Variants in RORA observed in about 807,000 individuals in gnomAD.
The protein encoded by RORA is RAR related orphan receptor A.
A neutral mutation model predicts 69.5 loss-of-function variants in RORA; 7 were observed. The observed-to-expected ratio is 0.10, with a 90% CI of 0.06 to 0.19. RORA has a LOEUF of 0.19. Among genes scored for constraint, RORA ranks in the 10% least tolerant of loss-of-function variants. The probability of loss-of-function intolerance (pLI) is 1.00; values close to 1 mark genes in which losing one functional copy is unlikely to be tolerated. For missense variants in RORA, 457 were observed against 663.0 expected, an observed-to-expected ratio of 0.69 and a Z score of 3.41; for synonymous variants, 261 against 240.8, an observed-to-expected ratio of 1.08 and a Z score of -0.78.
chr15:60,611,335 T>C (rs1435526051), intron 2 of RORA, among the ~76,000 whole-genome samples: 1 of 151,916 alleles, frequency 6.6e-6, no homozygotes, highest in Non-Finnish European at 1.5e-5. Context: ...TATCCTACCA[T>C]GTTTCCAGCA....
intron 1 of RORA, among the ~76,000 whole-genome samples, chr15:60,809,381 C>T (rs1264672722): frequency 6.6e-6 from 1 of 152,120 alleles, no homozygotes; most frequent in Admixed American, 6.6e-5. Flanking sequence ...TGTACCTGCA[C>T]GTTAAAGAGA....
At chr15:60,812,923 A>G (rs1045321288) in intron 1 of RORA, among the ~76,000 whole-genome samples, 2 of 152,206 alleles carry the variant, frequency 1.3e-5, no homozygotes, top group African/African-American at 4.8e-5. Context: ...CAGTTTCTGA[A>G]CTATAGTGAC....
intron 2 of RORA, among the ~76,000 whole-genome samples, chr15:60,613,408 A>G (rs1165185188): frequency 6.6e-6 from 1 of 152,194 alleles, no homozygotes. Context: ...GACAAATTAA[A>G]AAGAGCTCTG....
intron 1 of RORA, among the ~76,000 whole-genome samples, chr15:60,779,527 G>C (rs1337411010): frequency 1.3e-5 from 2 of 152,200 alleles, no homozygotes; most frequent in Non-Finnish European, 2.9e-5. Flanking sequence ...TGTAATAGGA[G>C]CAGGAAGCAC....
chr15:60,981,005 A>G (rs1250747053), intron 1 of RORA, among the ~76,000 whole-genome samples: 1 of 151,982 alleles, frequency 6.6e-6, no homozygotes, highest in Non-Finnish European at 1.5e-5. Context: ...CATAGTGACA[A>G]ACTATCTCAA....
chr15:60,640,721 T>C (rs1394576404), intron 2 of RORA, among the ~76,000 whole-genome samples: 1 of 152,160 alleles, frequency 6.6e-6, no homozygotes, highest in African/African-American at 2.4e-5. Flanking sequence ...TTTCCATGGC[T>C]TGGAAGATGC....
chr15:60,831,229 G>A (rs943054123), intron 1 of RORA, among the ~76,000 whole-genome samples: 1 of 152,162 alleles, frequency 6.6e-6, no homozygotes, highest in Non-Finnish European at 1.5e-5. Flanking sequence ...TGAAGCTGGA[G>A]CATTTGACAG....
At chr15:60,565,154 T>C (rs184363716) in intron 2 of RORA, among the ~76,000 whole-genome samples, 81 of 152,322 alleles carry the variant, frequency 5.3e-4, no homozygotes, top group African/African-American at 1.9e-3. Flanking sequence ...GACAACACAA[T>C]TGGATTGAGA....
chr15:60,557,033 C>A, intron 2 of RORA: 3 of 873,168 alleles, frequency 3.4e-6, no homozygotes, highest in Admixed American at 2.3e-5. Context: ...CAATAAGTAC[C>A]CAAAAAAGTA....
At chr15:60,807,949 C>T (rs1314170531) in intron 1 of RORA, among the ~76,000 whole-genome samples, 1 of 152,152 alleles carries the variant, frequency 6.6e-6, no homozygotes, top group Non-Finnish European at 1.5e-5. Context: ...AGACTTAAAT[C>T]TAAGACCTGA....
intron 1 of RORA, among the ~76,000 whole-genome samples, chr15:61,062,870 C>T (rs957477839): frequency 6.6e-6 from 1 of 152,140 alleles, no homozygotes; most frequent in South Asian, 2.1e-4. Flanking sequence ...TGATGAAGCA[C>T]GTGGTAGAAT....
chr15:60,866,460 A>G (rs2073487933), intron 1 of RORA, among the ~76,000 whole-genome samples: 1 of 152,212 alleles, frequency 6.6e-6, no homozygotes, highest in Non-Finnish European at 1.5e-5. Context: ...AGGCAAAATC[A>G]TCATCTTTTA....
intron 1 of RORA, among the ~76,000 whole-genome samples, chr15:60,999,687 G>A (rs1006830183): frequency 1.3e-5 from 2 of 152,108 alleles, no homozygotes; most frequent in Non-Finnish European, 2.9e-5. Context: ...CAGCCTTCAC[G>A]AGGACCCAGA....
At chr15:60,876,510 A>G (rs529497836) in intron 1 of RORA, among the ~76,000 whole-genome samples, 3 of 152,266 alleles carry the variant, frequency 2.0e-5, no homozygotes, top group African/African-American at 7.2e-5. Context: ...ATACACATCA[A>G]CCTTCACACA....
intron 1 of RORA, among the ~76,000 whole-genome samples, chr15:61,158,447 A>T (rs1280681419): frequency 6.6e-6 from 1 of 152,164 alleles, no homozygotes; most frequent in African/African-American, 2.4e-5. Context: ...CAAGCTGGCT[A>T]ATGTTGGTCA....
intron 2 of RORA, among the ~76,000 whole-genome samples, chr15:60,547,469 G>A (rs1447708180): frequency 1.3e-5 from 2 of 151,910 alleles, no homozygotes; most frequent in Admixed American, 6.6e-5. Context: ...TGGGATTACA[G>A]GCGCCCACCA....
At chr15:60,773,271 C>T (rs917526049) in intron 1 of RORA, among the ~76,000 whole-genome samples, 1 of 152,146 alleles carries the variant, frequency 6.6e-6, no homozygotes, top group African/African-American at 2.4e-5. Context: ...TCTTTATATA[C>T]TCGGTGCTGG....
chr15:60,646,899 A>C (rs1446034871), intron 2 of RORA, among the ~76,000 whole-genome samples: 7 of 152,148 alleles, frequency 4.6e-5, no homozygotes, highest in Non-Finnish European at 8.8e-5. Context: ...GTGGCTGCGG[A>C]GCTTAATTAA....
intron 1 of RORA, among the ~76,000 whole-genome samples, chr15:61,108,063 C>T (rs2140772900): frequency 6.6e-6 from 1 of 152,270 alleles, no homozygotes; most frequent in African/African-American, 2.4e-5. Context: ...TTCTGCAAAG[C>T]CCTCACTGCT....
Sources: allele counts gnomAD v4.1 joint callset (sites outside exome capture counted in the v4.1 genomes callset), GRCh38; gene constraint gnomAD v4.1.1; transcripts MANE v1.5; gene names NCBI Gene and HGNC (gene_info 2026-07-23, HGNC 2026-07-21).